Variants in LRBA observed in about 807,000 individuals in gnomAD.
The protein encoded by LRBA is LPS responsive beige-like anchor protein.
Under a neutral mutation model 330.0 loss-of-function variants are expected in LRBA, and 176 were observed. The ratio of observed to expected loss-of-function variants is 0.53; its 90% confidence interval spans 0.47 to 0.60. The LOEUF (loss-of-function observed/expected upper bound fraction) is 0.60. Among genes scored for constraint, LRBA ranks in the 20% least tolerant of loss-of-function variants. The pLI is 0.00. For missense variants in LRBA, 3,259 were observed against 3,444.8 expected (o/e 0.95, Z 1.35); for synonymous variants, 1,230 against 1,193.0 (o/e 1.03, Z -0.64).
At chr4:150,935,171 G>A (rs1369237211) in intron 2 of LRBA, among the ~76,000 whole-genome samples, 5 of 90,936 alleles carry the variant, frequency 5.5e-5, no homozygotes, top group South Asian at 3.3e-4. Context: ...GCAAAACTCC[G>A]TCTCACGAAA....
At chr4:150,876,542 C>T (rs1754046841) in intron 17 of LRBA, among the ~76,000 whole-genome samples, 1 of 152,140 alleles carries the variant, frequency 6.6e-6, no homozygotes. Flanking sequence ...AGCCAGGAGA[C>T]ATTGAGGGCT....
chr4:150,395,030 T>C (rs1744537788), intron 47 of LRBA, among the ~76,000 whole-genome samples: 1 of 152,154 alleles, frequency 6.6e-6, no homozygotes, highest in Non-Finnish European at 1.5e-5. Flanking sequence ...GTTATTACCA[T>C]AGTTCATATA....
At chr4:150,306,831 G>A (rs1050860312) in intron 52 of LRBA, among the ~76,000 whole-genome samples, 1 of 152,106 alleles carries the variant, frequency 6.6e-6, no homozygotes, top group Non-Finnish European at 1.5e-5. Flanking sequence ...CACAAAGTGT[G>A]CTACATTTAA....
At chr4:150,723,316 G>T (rs1729187790) in intron 36 of LRBA, among the ~76,000 whole-genome samples, 2 of 152,178 alleles carry the variant, frequency 1.3e-5, no homozygotes, top group Admixed American at 6.5e-5. Flanking sequence ...CTTAATGAGA[G>T]GAGAGCAAAG....
At chr4:150,356,163 C>A (rs1053718459) in intron 47 of LRBA, among the ~76,000 whole-genome samples, 2 of 151,922 alleles carry the variant, frequency 1.3e-5, no homozygotes, top group Admixed American at 1.3e-4. Flanking sequence ...AGTTTCTTTC[C>A]ATGTCAACTT....
chr4:150,842,949 G>A (rs1749317696), intron 28 of LRBA, among the ~76,000 whole-genome samples: 1 of 152,176 alleles, frequency 6.6e-6, no homozygotes, highest in Non-Finnish European at 1.5e-5. Context: ...GATGATTCAA[G>A]TGCATTACAT....
intron 34 of LRBA, among the ~76,000 whole-genome samples, chr4:150,770,867 A>AAC (rs1736465805): frequency 6.6e-6 from 1 of 152,116 alleles, no homozygotes; most frequent in East Asian, 1.9e-4. Flanking sequence ...CAACTTAATC[A>AAC]CACAGTATGG....
chr4:150,892,265 A>C (rs147798500), intron 17 of LRBA, among the ~76,000 whole-genome samples: 1 of 152,190 alleles, frequency 6.6e-6, no homozygotes, highest in Non-Finnish European at 1.5e-5. Flanking sequence ...TTTGTTGTTG[A>C]TGACTGTAAT....
At chr4:150,349,858 T>G in intron 48 of LRBA, 134 bp downstream of exon 48, 1 of 696,006 alleles carries the variant, frequency 1.4e-6, no homozygotes, top group Non-Finnish European at 2.3e-6. Flanking sequence ...TGATAAATTA[T>G]TCTGCTTAAG....
At chr4:150,587,631 A>G (rs1772280599) in intron 40 of LRBA, among the ~76,000 whole-genome samples, 1 of 152,250 alleles carries the variant, frequency 6.6e-6, no homozygotes, top group Non-Finnish European at 1.5e-5. Context: ...ACGACAGAGT[A>G]GTAAGTCATG....
At position 150,906,424 on chromosome 4, in the gene LRBA, G is replaced by A; in HGVS notation, c.1494-19C>T. ...GGTTGAACTAGAATTTTTTAAAAAG[G>A]CGATGATTAAAAAAACATATTCTAT... is the stretch of plus-strand genomic sequence containing the variant. On this transcript the variant is annotated intron_variant, in intron 11 of 56. Coordinates refer to ENST00000651943, the MANE Select transcript of LRBA (RefSeq NM_001364905.1). The A allele has an allele frequency of 7.6e-7, 1 of 1,319,328 alleles. No individual in the cohort carries two copies. Among genetic ancestry groups the A allele is most frequent in the Non-Finnish European group, 1.1e-6 (1 of 918,154 alleles). The allele number at this position is 1,319,328 out of a possible 1,614,324, so 81.7% of individuals were successfully genotyped here. A position where few individuals can be genotyped will look rare whatever the true frequency, so the allele number is the denominator to read the frequency against.
At chr4:150,451,381 C>G (rs1307276810) in intron 44 of LRBA, among the ~76,000 whole-genome samples, 1 of 152,090 alleles carries the variant, frequency 6.6e-6, no homozygotes, top group Non-Finnish European at 1.5e-5. Context: ...TGGAATTAAA[C>G]TAGAAATAAA....
intron 16 of LRBA, among the ~76,000 whole-genome samples, chr4:150,894,241 T>C (rs1238486302): frequency 1.3e-5 from 2 of 152,216 alleles, no homozygotes; most frequent in Non-Finnish European, 1.5e-5. Context: ...TTATCTGATC[T>C]GGAATGTTTT....
chr4:150,967,697 CATTT>C (rs930058345), intron 2 of LRBA, among the ~76,000 whole-genome samples: 1 of 152,194 alleles, frequency 6.6e-6, no homozygotes, highest in Non-Finnish European at 1.5e-5. Context: ...TTCTGTGTCA[CATTT>C]TGGTAAATCT....
At chr4:150,275,852 C>T (rs2126732250) in intron 56 of LRBA, among the ~76,000 whole-genome samples, 1 of 152,268 alleles carries the variant, frequency 6.6e-6, no homozygotes, top group East Asian at 1.9e-4. Flanking sequence ...GTCATACTGC[C>T]CAAAGTAATT....
At chr4:150,377,350 T>G in intron 47 of LRBA, among the ~76,000 whole-genome samples, 1 of 152,220 alleles carries the variant, frequency 6.6e-6, no homozygotes. Flanking sequence ...GCAACTGTAT[T>G]CGTTTATGCA....
chr4:150,684,463 T>G (rs1391238231), intron 36 of LRBA, among the ~76,000 whole-genome samples: 2 of 152,196 alleles, frequency 1.3e-5, no homozygotes, highest in Non-Finnish European at 2.9e-5. Flanking sequence ...CATTTTGTGT[T>G]TGAATTTTAA....
Position 150,806,242 on chromosome 4 carries a change from T to C in LRBA, c.5518+29A>G, listed in dbSNP as rs769871752. ...TTTTTAATCCTGAAATATAAATACA[T>C]ACAAATAAAATAAAGAAAAACCACT... On this transcript the variant is annotated intron_variant, in intron 33 of 56. Coordinates refer to ENST00000651943, the MANE Select transcript of LRBA (RefSeq NM_001364905.1). 1.4e-5 allele frequency: 20 copies of C among 1,470,788 alleles called. No individual in the cohort carries two copies. In the East Asian group the frequency reaches 5.0e-4, roughly 37 times the overall value. The allele number at this position is 1,470,788 out of a possible 1,614,324, so 91.1% of individuals were successfully genotyped here. A position where few individuals can be genotyped will look rare whatever the true frequency, so the allele number is the denominator to read the frequency against.
intron 53 of LRBA, among the ~76,000 whole-genome samples, chr4:150,297,447 G>C (rs1191735551): frequency 6.6e-6 from 1 of 152,136 alleles, no homozygotes; most frequent in Non-Finnish European, 1.5e-5. Flanking sequence ...ACCTGAACTT[G>C]AACACTGCCA....
Sources: allele counts gnomAD v4.1 joint callset (sites outside exome capture counted in the v4.1 genomes callset), GRCh38; gene constraint gnomAD v4.1.1; transcripts MANE v1.5; gene names NCBI Gene and HGNC (gene_info 2026-07-23, HGNC 2026-07-21).